Variants in DOP1A observed in about 807,000 individuals in gnomAD.
DOP1A encodes DOP1 leucine zipper like protein A.
A neutral mutation model predicts 267.6 loss-of-function variants in DOP1A; 90 were observed. The ratio of observed to expected loss-of-function variants is 0.34; its 90% CI spans 0.28 to 0.40. The LOEUF (loss-of-function observed/expected upper bound fraction) is 0.40, where lower values mean the gene tolerates loss of function less well. DOP1A is among the 10% of genes least tolerant of loss of function. The pLI is 1.00. For synonymous variants in DOP1A, 932 were observed against 999.1 expected (o/e 0.93, Z 1.27); for missense variants, 2,437 against 2,900.4 (o/e 0.84, Z 3.67).
At chr6:83,078,820 C>G (rs1385894415) in intron 1 of DOP1A, among the ~76,000 whole-genome samples, 3 of 152,146 alleles carry the variant, frequency 2.0e-5, no homozygotes, top group Non-Finnish European at 4.4e-5. Flanking sequence ...CTATTACGTG[C>G]TTCAGAATCT....
chr6:83,122,868 T>G lies in DOP1A; in HGVS notation c.1226T>G (p.Leu409Ter). 1 of 1,468,138 alleles carries G rather than the reference T, an allele frequency of 6.8e-7. No homozygotes were observed. 90.9% of individuals were successfully genotyped at this position (1,468,138 alleles called of 1,614,324 possible). A position where few individuals can be genotyped will look rare whatever the true frequency, so the allele number is the denominator to read the frequency against. ...TTTCTTTTCTCTTTTTTCAGTAAAT[T>G]AAGAGAAAATAAGAAAACAGCAGAG... ...SKDHAQLSSK[L>*]RENKKTAELI... The change falls in exon 12 of 39, where the codon TTA (leucine) becomes TGA (stop). Residue 409 changes from leucine (L) to a stop codon, truncating the protein, a stop_gained. Coordinates refer to ENST00000349129, the MANE Select transcript of DOP1A (RefSeq NM_015018.4). LOFTEE classifies it high-confidence loss of function.
Position 83,122,953 on chromosome 6 carries a change from T to C in DOP1A, c.1311T>C (p.Tyr437=). ...NSFEPYYMWD[Y]VARWFEECCR... Reference sequence around the variant, plus strand: ...TCGAACCTTATTATATGTGGGATTATGTTGCACGCTGGTTTGAAGAATGTT... The same window carrying C: ...TCGAACCTTATTATATGTGGGATTACGTTGCACGCTGGTTTGAAGAATGTT... The change falls in exon 12 of 39, where the codon TAT becomes TAC. Residue 437 remains tyrosine, a synonymous_variant. Transcript: ENST00000349129. The C allele has an allele frequency of 1.9e-6, 3 of 1,584,566 alleles. No homozygotes were observed. The highest frequency in any genetic ancestry group is 2.6e-6 in the Non-Finnish European group (3 of 1,169,596).
chr6:83,096,241 G>A (rs1313811545), intron 1 of DOP1A, among the ~76,000 whole-genome samples: 1 of 151,396 alleles, frequency 6.6e-6, no homozygotes, highest in African/African-American at 2.4e-5. Flanking sequence ...GTGCCACCAT[G>A]CCTGGCTAAT....
intron 8 of DOP1A, 60 bp downstream of exon 8, chr6:83,119,047 A>G (rs1019937258): frequency 1.3e-5 from 19 of 1,443,860 alleles, no homozygotes; most frequent in East Asian, 1.1e-4. Flanking sequence ...TTTGTCATGT[A>G]TAAGTATTAC....
At chr6:83,133,766 A>G (rs1778441868) in intron 18 of DOP1A, among the ~76,000 whole-genome samples, 1 of 152,120 alleles carries the variant, frequency 6.6e-6, no homozygotes, top group Non-Finnish European at 1.5e-5. Context: ...ATTTGGGATT[A>G]ATGTATCATT....
At chr6:83,145,138 T>C (rs1780312119) in intron 24 of DOP1A, among the ~76,000 whole-genome samples, 1 of 41,436 alleles carries the variant, frequency 2.4e-5, no homozygotes, top group South Asian at 9.1e-4. Flanking sequence ...TATATATATA[T>C]ATGCAAATTT....
chr6:83,084,713 G>A (rs1026779920), intron 1 of DOP1A, among the ~76,000 whole-genome samples: 1 of 151,896 alleles, frequency 6.6e-6, no homozygotes, highest in Non-Finnish European at 1.5e-5. Flanking sequence ...CACCCAAGAG[G>A]CTGGGATTAC....
intron 4 of DOP1A, among the ~76,000 whole-genome samples, chr6:83,106,150 G>A (rs1773573192): frequency 6.6e-6 from 1 of 152,104 alleles, no homozygotes; most frequent in South Asian, 2.1e-4. Context: ...TACTTTTAAA[G>A]TTCTATAACC....
chr6:83,135,259 A>G (rs1031342327), intron 19 of DOP1A, among the ~76,000 whole-genome samples: 3 of 147,436 alleles, frequency 2.0e-5, no homozygotes, highest in African/African-American at 7.6e-5. Context: ...ATGGACCAAC[A>G]TGGAGTAATG....
chr6:83,151,704 C>T (rs1277288117), intron 28 of DOP1A, 45 bp downstream of exon 28: 1 of 1,547,926 alleles, frequency 6.5e-7, no homozygotes, highest in Non-Finnish European at 8.7e-7. Context: ...TCTCAGTGCC[C>T]TCAATTTGAA....
intron 37 of DOP1A, 76 bp downstream of exon 37, chr6:83,160,036 T>TA: frequency 7.0e-7 from 1 of 1,426,410 alleles, no homozygotes; most frequent in South Asian, 1.3e-5. Context: ...TATGACTAAT[T>TA]AAAAAGTTTT....
chr6:83,157,119 A>G, intron 34 of DOP1A, 63 bp from the exon 35 acceptor site: 2 of 1,537,698 alleles, frequency 1.3e-6, no homozygotes, highest in South Asian at 1.2e-5. Context: ...TGGACCGACA[A>G]TATAGAAAGT....
At chr6:83,159,058 A>G (rs571445988) in intron 36 of DOP1A, among the ~76,000 whole-genome samples, 8 of 152,272 alleles carry the variant, frequency 5.3e-5, no homozygotes, top group Admixed American at 5.2e-4. Flanking sequence ...ATGACTAAAT[A>G]CAATTTTTTA....
At chr6:83,131,180 A>G (rs759864515) in intron 17 of DOP1A, among the ~76,000 whole-genome samples, 21 of 152,196 alleles carry the variant, frequency 1.4e-4, no homozygotes, top group Non-Finnish European at 2.6e-4. Flanking sequence ...CCACACTGGT[A>G]TAAATATTAT....
rs549913693 is a variant in DOP1A, at chr6:83,078,697, A to G, written c.-147+10918A>G. ...TGACAACAGAGGTACTGTGAAATGG[A>G]AAGTGAGGAGAGGTGTAGTAACAGT... On this transcript the variant is annotated intron_variant, in intron 1 of 38. Coordinates refer to ENST00000349129, the MANE Select transcript of DOP1A (RefSeq NM_015018.4). Among the ~76,000 whole-genome samples, 15 of 152,306 alleles carry G rather than the reference A, an allele frequency of 9.8e-5. 1 individual carries two copies. The South Asian group carries it at 3.1e-3, about 32-fold the overall frequency.
intron 38 of DOP1A, chr6:83,167,183 A>C (rs569311282): frequency 1.1e-5 from 10 of 884,106 alleles, no homozygotes; most frequent in Admixed American, 6.2e-5. Flanking sequence ...TAAGTGAGGA[A>C]CCTTTGTATA....
intron 1 of DOP1A, among the ~76,000 whole-genome samples, chr6:83,095,378 G>C (rs1323075253): frequency 6.6e-6 from 1 of 150,990 alleles, no homozygotes; most frequent in African/African-American, 2.4e-5. Context: ...ATGTGAAGGA[G>C]TCAACTTTGT....
At chr6:83,145,382 A>T in intron 24 of DOP1A, 142 bp from the exon 25 acceptor site, 1 of 684,536 alleles carries the variant, frequency 1.5e-6, no homozygotes, top group Non-Finnish European at 2.2e-6. Flanking sequence ...CAGGAGTTTG[A>T]GACCAGGCTG....
intron 33 of DOP1A, among the ~76,000 whole-genome samples, chr6:83,155,197 C>T (rs1430476189): frequency 6.6e-6 from 1 of 151,658 alleles, no homozygotes; most frequent in African/African-American, 2.4e-5. Context: ...TGCAGTGGCT[C>T]ACGCCTGTAA....
Sources: allele counts gnomAD v4.1 joint callset (sites outside exome capture counted in the v4.1 genomes callset), GRCh38; gene constraint gnomAD v4.1.1; transcripts MANE v1.5; gene names NCBI Gene and HGNC (gene_info 2026-07-23, HGNC 2026-07-21).